The following PID1 variants were observed in gnomAD, a reference collection of about 807,000 sequenced individuals.
PID1 encodes PTB-containing, cubilin and LRP1-interacting protein.
PID1 carries 10 observed loss-of-function variants against 19.1 expected under a neutral mutation model. The ratio of observed to expected loss-of-function variants is 0.52; its 90% CI spans 0.32 to 0.89. The LOEUF (loss-of-function observed/expected upper bound fraction) is 0.89, where lower values mean the gene tolerates loss of function less well. PID1 is among the 40% of genes least tolerant of loss of function. PID1 has a pLI of 0.03. For synonymous variants in PID1, 130 were observed against 116.0 expected, an observed-to-expected ratio of 1.12 and a Z score of -0.78; for missense variants, 248 against 285.3, an observed-to-expected ratio of 0.87 and a Z score of 0.94.
At chr2:229,034,618 G>C (rs995968530) in intron 2 of PID1, among the ~76,000 whole-genome samples, 7 of 152,056 alleles carry the variant, frequency 4.6e-5, no homozygotes, top group Non-Finnish European at 8.8e-5. Flanking sequence ...TCAAGGAGTT[G>C]CAGGGTCCTC....
chr2:229,044,776 C>A (rs13010266), intron 2 of PID1, among the ~76,000 whole-genome samples: 40,768 of 151,932 alleles, frequency 0.27, 6,365 homozygotes, highest in East Asian at 0.48. Flanking sequence ...CAGTAACAGC[C>A]CATGCTAAAG....
At chr2:229,206,565 A>G (rs1691612884) in intron 1 of PID1, among the ~76,000 whole-genome samples, 1 of 152,120 alleles carries the variant, frequency 6.6e-6, no homozygotes, top group Non-Finnish European at 1.5e-5. Context: ...GATTTGCTGT[A>G]TGTTTTTATG....
chr2:229,237,399 G>A (rs755076283), intron 1 of PID1, among the ~76,000 whole-genome samples: 46 of 152,252 alleles, frequency 3.0e-4, no homozygotes, highest in Admixed American at 2.4e-3. Context: ...TCATTCAAGC[G>A]TATCCCCTAT....
intron 2 of PID1, among the ~76,000 whole-genome samples, chr2:229,113,466 A>T (rs959687111): frequency 7.0e-6 from 1 of 142,612 alleles, no homozygotes; most frequent in African/African-American, 2.6e-5. Context: ...ACACACACAT[A>T]GATATGTGTG....
At chr2:229,116,667 A>G (rs1361113093) in intron 2 of PID1, among the ~76,000 whole-genome samples, 1 of 152,096 alleles carries the variant, frequency 6.6e-6, no homozygotes, top group Non-Finnish European at 1.5e-5. Flanking sequence ...ATTTTCCTTC[A>G]TCTTCTGCCA....
At chr2:229,163,680 T>TGCGCGCGC (rs1553570262) in intron 1 of PID1, among the ~76,000 whole-genome samples, 1,293 of 103,730 alleles carry the variant, frequency 0.012, 17 homozygotes, top group African/African-American at 0.03. Context: ...TGTGTGCGTG[T>TGCGCGCGC]GCGTGTGTGT....
chr2:229,168,807 C>A (rs961801733), intron 1 of PID1, among the ~76,000 whole-genome samples: 9 of 152,118 alleles, frequency 5.9e-5, no homozygotes, highest in Admixed American at 3.9e-4. Flanking sequence ...AGCATTTTTA[C>A]ATTGCATTCT....
intron 1 of PID1, among the ~76,000 whole-genome samples, chr2:229,250,595 C>A (rs1690125047): frequency 6.6e-6 from 1 of 152,174 alleles, no homozygotes; most frequent in African/African-American, 2.4e-5. Context: ...TATGATGCTG[C>A]CAATTTTCTC....
chr2:229,155,358 A>T (rs1690343697), intron 2 of PID1, among the ~76,000 whole-genome samples: 1 of 152,078 alleles, frequency 6.6e-6, no homozygotes, highest in South Asian at 2.1e-4. Flanking sequence ...TGAGGTCAGG[A>T]GATCGAGACC....
At chr2:229,258,333 T>G (rs547884560) in intron 1 of PID1, among the ~76,000 whole-genome samples, 4 of 152,306 alleles carry the variant, frequency 2.6e-5, no homozygotes, top group African/African-American at 9.6e-5. Context: ...CTGAGATGGA[T>G]GAAAAATGTC....
At chr2:229,243,013 T>C (rs1689914205) in intron 1 of PID1, among the ~76,000 whole-genome samples, 1 of 152,106 alleles carries the variant, frequency 6.6e-6, no homozygotes, top group African/African-American at 2.4e-5. Context: ...CATTCTCACG[T>C]TGCTGATAAA....
At chr2:229,124,788 C>T (rs946951383) in intron 2 of PID1, among the ~76,000 whole-genome samples, 1 of 152,142 alleles carries the variant, frequency 6.6e-6, no homozygotes, top group African/African-American at 2.4e-5. Context: ...TAGTTTGTAA[C>T]AGAGTCTGGG....
chr2:229,231,426 A>T (rs546466858), intron 1 of PID1, among the ~76,000 whole-genome samples: 21 of 152,160 alleles, frequency 1.4e-4, no homozygotes, highest in Admixed American at 1.4e-3. Flanking sequence ...TTATTCTGGG[A>T]ATCTACCATC....
chr2:229,159,007 A>G (rs759386471), intron 1 of PID1, among the ~76,000 whole-genome samples: 2 of 152,202 alleles, frequency 1.3e-5, no homozygotes, highest in Non-Finnish European at 2.9e-5. Flanking sequence ...AGGATGAATA[A>G]GACCTACTAT....
intron 1 of PID1, among the ~76,000 whole-genome samples, chr2:229,241,840 C>T (rs1689878142): frequency 6.6e-6 from 1 of 152,074 alleles, no homozygotes; most frequent in Non-Finnish European, 1.5e-5. Flanking sequence ...TAACAAAATG[C>T]TTACATATAA....
intron 2 of PID1, among the ~76,000 whole-genome samples, chr2:229,109,091 C>G (rs973237127): frequency 6.6e-6 from 1 of 152,052 alleles, no homozygotes; most frequent in Non-Finnish European, 1.5e-5. Context: ...TCACTAATAT[C>G]GAGACTTTTA....
At chr2:229,059,796 T>G (rs1410561230) in intron 2 of PID1, among the ~76,000 whole-genome samples, 2 of 152,124 alleles carry the variant, frequency 1.3e-5, no homozygotes, top group African/African-American at 2.4e-5. Flanking sequence ...AAAGTGAACA[T>G]TCTTTCACTC....
At chr2:229,156,246 G>A (rs936372958) in intron 1 of PID1, among the ~76,000 whole-genome samples, 6 of 152,170 alleles carry the variant, frequency 3.9e-5, no homozygotes, top group Admixed American at 1.3e-4. Flanking sequence ...CTCTTCCAAC[G>A]TACTGTATAC....
chr2:229,141,937 T>A lies in PID1; in HGVS notation c.177+13881A>T, dbSNP rs189327278. 1.6e-3 allele frequency among the ~76,000 whole-genome samples: 236 copies of A among 152,130 alleles called. 6 individuals are homozygous for A. Among genetic ancestry groups the A allele is most frequent in the Admixed American group, 0.015 (234 of 15,242 alleles). On this transcript the variant is annotated intron_variant, in intron 2 of 2. Coordinates refer to ENST00000392055, the MANE Select transcript of PID1 (RefSeq NM_001100818.2). ...GCACACCCAGGAACACATCTGCACC[T>A]GTTGTTACAGTGGTTTTTATATTCT... is the stretch of plus-strand genomic sequence containing the variant.
Sources: gnomAD v4.1 joint callset for allele counts (sites outside exome capture counted in the v4.1 genomes callset) on GRCh38, gnomAD v4.1.1 for gene constraint, MANE v1.5 for transcripts, NCBI Gene and HGNC (gene_info 2026-07-23, HGNC 2026-07-21) for gene names.